The following CEP350 variants were observed in gnomAD, a reference collection of about 807,000 sequenced individuals.
CEP350 encodes the protein centrosome-associated protein 350.
In CEP350, 126 loss-of-function variants were observed where a neutral mutation model predicts 331.8. That is an observed-to-expected ratio of 0.38 (90% confidence interval 0.33 to 0.44). The LOEUF (loss-of-function observed/expected upper bound fraction) is 0.44. Among genes scored for constraint, CEP350 ranks in the 20% least tolerant of loss-of-function variants. The pLI, the probability that CEP350 is intolerant of heterozygous loss-of-function variation, is 1.00. For synonymous variants in CEP350, 1,200 were observed against 1,259.5 expected (o/e 0.95, Z 1.00); for missense variants, 3,406 against 3,634.6 (o/e 0.94, Z 1.62).
Position 180,094,398 on chromosome 1 carries a change from G to A in CEP350, c.8293G>A (p.Asp2765Asn). The A allele has an allele frequency of 6.2e-7, 1 of 1,613,710 alleles. No homozygotes were observed. The highest frequency in any genetic ancestry group is 8.5e-7 in the Non-Finnish European group (1 of 1,179,788). Reference protein sequence around the residue: ...TDSLLKVFVKDTVNQLQQIKK... With the variant: ...TDSLLKVFVKNTVNQLQQIKK... ...CAGTTTACTAAAAGTCTTTGTAAAG[G>A]ACACAGTCAATCAACTACAACAAAT... The change falls in exon 34 of 38, where the codon GAC becomes AAC. Residue 2765 changes from aspartate to asparagine, a missense_variant. Transcript: ENST00000367607.
At chr1:179,984,277 T>G (rs1652491962) in intron 1 of CEP350, among the ~76,000 whole-genome samples, 1 of 152,250 alleles carries the variant, frequency 6.6e-6, no homozygotes, top group Non-Finnish European at 1.5e-5. Context: ...CAAGCATTTG[T>G]GATCTCACAT....
At chr1:180,051,759 A>G (rs924505659) in intron 22 of CEP350, among the ~76,000 whole-genome samples, 3 of 152,184 alleles carry the variant, frequency 2.0e-5, no homozygotes, top group African/African-American at 7.2e-5. Context: ...TAAGTAAGTA[A>G]CTTTGGAAAA....
chr1:179,993,797 T>A (rs978324752), intron 5 of CEP350, among the ~76,000 whole-genome samples: 1 of 152,196 alleles, frequency 6.6e-6, no homozygotes, highest in African/African-American at 2.4e-5. Context: ...TAGCTGTGAA[T>A]GGAATACCCT....
At chr1:180,050,540 G>C (rs1258425485) in intron 22 of CEP350, among the ~76,000 whole-genome samples, 1 of 151,958 alleles carries the variant, frequency 6.6e-6, no homozygotes, top group East Asian at 1.9e-4. Context: ...GTATGCGCCT[G>C]TAGTCCCAGC....
intron 1 of CEP350, among the ~76,000 whole-genome samples, chr1:179,977,178 G>A (rs1044054705): frequency 6.6e-6 from 1 of 152,186 alleles, no homozygotes; most frequent in Non-Finnish European, 1.5e-5. Context: ...TGAGGGGCAG[G>A]TCTTTGTGGA....
chr1:180,004,197 G>A (rs888052144), intron 7 of CEP350, among the ~76,000 whole-genome samples: 1 of 152,120 alleles, frequency 6.6e-6, no homozygotes, highest in Non-Finnish European at 1.5e-5. Context: ...TCATCTGTAA[G>A]ATAGGGATAA....
Position 180,114,103 on chromosome 1 carries a change from C to G in CEP350, c.*2942C>G, listed in dbSNP as rs992732353. ...GAAAATTCCTTCTGTGACTACAGGTCTCTGAGAAATTATCTTTCAAAAGAG... is the reference window on the plus strand; with the variant it reads ...GAAAATTCCTTCTGTGACTACAGGTGTCTGAGAAATTATCTTTCAAAAGAG... On this transcript the variant is annotated 3_prime_UTR_variant, in exon 38 of 38. Coordinates refer to ENST00000367607, the MANE Select transcript of CEP350 (RefSeq NM_014810.5). The G allele has an allele frequency of 8.5e-5, 13 of 152,486 alleles. No homozygotes were observed. The highest frequency in any genetic ancestry group is 2.9e-4 in the African/African-American group (12 of 41,410). The allele number at this position is 152,486 out of a possible 1,614,324, so 9.4% of individuals were successfully genotyped here. A position where few individuals can be genotyped will look rare whatever the true frequency, so the allele number is the denominator to read the frequency against.
At chr1:180,025,724 A>C (rs1655628812) in intron 14 of CEP350, among the ~76,000 whole-genome samples, 1 of 152,082 alleles carries the variant, frequency 6.6e-6, no homozygotes. Context: ...CGGGGAGGGG[A>C]TCATCACACA....
rs551475317 is a variant in CEP350, at chr1:180,012,159, A to C, written c.1393+84A>C. On this transcript the variant is annotated intron_variant, in intron 9 of 37. Coordinates refer to ENST00000367607, the MANE Select transcript of CEP350 (RefSeq NM_014810.5). The stretch of plus-strand genomic sequence containing the variant: ...AGAGAAGGAAAAAGTACTCTTAAGA[A>C]TGTGTTAGGACTTTGCTTTATAATT... 7 of 1,240,488 alleles carry C rather than the reference A, an allele frequency of 5.6e-6. No homozygotes were observed. The African/African-American group carries it at 9.2e-5, about 16-fold the overall frequency. 76.8% of individuals were successfully genotyped at this position (1,240,488 alleles called of 1,614,324 possible). A position where few individuals can be genotyped will look rare whatever the true frequency, so the allele number is the denominator to read the frequency against.
intron 27 of CEP350, among the ~76,000 whole-genome samples, chr1:180,072,896 A>G (rs2149052713): frequency 6.6e-6 from 1 of 152,348 alleles, no homozygotes; most frequent in South Asian, 2.1e-4. Flanking sequence ...TGTGCATGTG[A>G]ACAGGAGCAT....
chr1:180,001,549 G>A (rs1429343910), intron 6 of CEP350, among the ~76,000 whole-genome samples: 13 of 152,182 alleles, frequency 8.5e-5, no homozygotes, highest in Non-Finnish European at 1.0e-4. Flanking sequence ...ATAAGCCACC[G>A]TGCCCGGCCA....
rs750551158 is a variant in CEP350 at position 180,020,869 on chromosome 1, A to G, written c.3095A>G (p.Gln1032Arg). ...RNSYEPIKEF[Q>R]KEAEKFLPLF... ...AGTTATGAACCCATCAAAGAGTTTC[A>G]GAAAGAAGCTGAAAAATTCTTGCCA... Residue 1032 changes from glutamine (Q) to arginine (R), a missense_variant, in exon 12 of 38, where the codon CAG becomes CGG. Transcript: ENST00000367607. 3.1e-6 allele frequency: 5 copies of G among 1,613,726 alleles called. No homozygotes were observed. The East Asian group carries it at 1.1e-4, about 36-fold the overall frequency.
In CEP350 at chr1:179,990,492, G is replaced by A. The variant is rs772805916; in HGVS notation, c.121-15G>A. 2 of 1,319,122 alleles carry A rather than the reference G, an allele frequency of 1.5e-6. No homozygotes were observed. Among genetic ancestry groups the A allele is most frequent in the East Asian group, 2.4e-5 (1 of 41,874 alleles). 81.7% of individuals were successfully genotyped at this position (1,319,122 alleles called of 1,614,324 possible). A position where few individuals can be genotyped will look rare whatever the true frequency, so the allele number is the denominator to read the frequency against. ...CAGAATTAACTTATGTCTTATGATGGTGTTTAAACTTTAGCTGAGACACAT... is the reference window on the plus strand; with the variant it reads ...CAGAATTAACTTATGTCTTATGATGATGTTTAAACTTTAGCTGAGACACAT... On this transcript the variant is annotated splice_polypyrimidine_tract_variant and intron_variant, in intron 3 of 37. Transcript: ENST00000367607.
rs537740797 is a variant in CEP350 at position 180,060,150 on chromosome 1, A to G, written c.5263-2070A>G. Among the ~76,000 whole-genome samples, 9 of 152,366 alleles carry G rather than the reference A, an allele frequency of 5.9e-5. No individual in the cohort carries two copies. The South Asian group carries it at 1.7e-3, about 28-fold the overall frequency. ...TAAAGAGCAAGTAATATATTTGCTA[A>G]CAATGTATTTAGTGTTATAAAAAAT... On this transcript the variant is annotated intron_variant, in intron 25 of 37. Transcript: ENST00000367607.
intron 1 of CEP350, among the ~76,000 whole-genome samples, chr1:179,973,169 A>T (rs1411645660): frequency 1.3e-5 from 2 of 152,322 alleles, no homozygotes; most frequent in East Asian, 3.9e-4. Flanking sequence ...TCCCGGCCGC[A>T]ATAGGTACAA....
chr1:180,000,252 A>T (rs1653770054), intron 6 of CEP350, among the ~76,000 whole-genome samples: 1 of 152,154 alleles, frequency 6.6e-6, no homozygotes, highest in South Asian at 2.1e-4. Flanking sequence ...AGAGGAGAAA[A>T]AGAGGGTTAA....
At chr1:179,957,100 T>G (rs1378519485) in intron 1 of CEP350, among the ~76,000 whole-genome samples, 1 of 152,186 alleles carries the variant, frequency 6.6e-6, no homozygotes, top group Non-Finnish European at 1.5e-5. Context: ...TACTTTTTGC[T>G]TGAACAAGAT....
chr1:180,023,699 G>A (rs182725047), intron 13 of CEP350, among the ~76,000 whole-genome samples: 7 of 152,300 alleles, frequency 4.6e-5, no homozygotes, highest in Admixed American at 2.6e-4. Flanking sequence ...ACAGCAAACT[G>A]AAGCAGAGGT....
At chr1:180,025,115 G>C (rs113329830) in intron 14 of CEP350, among the ~76,000 whole-genome samples, 2 of 151,766 alleles carry the variant, frequency 1.3e-5, no homozygotes, top group African/African-American at 4.8e-5. Context: ...TAGTAGAGAC[G>C]GGGTTTCACC....
Sources: allele counts gnomAD v4.1 joint callset (sites outside exome capture counted in the v4.1 genomes callset), GRCh38; gene constraint gnomAD v4.1.1; transcripts MANE v1.5; gene names NCBI Gene and HGNC (gene_info 2026-07-23, HGNC 2026-07-21).